Variants in SLC24A2 observed in about 807,000 individuals in gnomAD.
SLC24A2 encodes the protein sodium/potassium/calcium exchanger 2.
Under a neutral mutation model 62.0 loss-of-function variants are expected in SLC24A2, and 36 were observed. The observed-to-expected ratio is 0.58, with a 90% CI of 0.44 to 0.77. The LOEUF (loss-of-function observed/expected upper bound fraction) is 0.77, where lower values mean the gene tolerates loss of function less well. SLC24A2 is among the 30% of genes least tolerant of loss of function. The pLI, the probability that SLC24A2 is intolerant of heterozygous loss-of-function variation, is 0.00. For synonymous variants in SLC24A2, 358 were observed against 294.0 expected (o/e 1.22, Z -2.23); for missense variants, 846 against 817.9 (o/e 1.03, Z -0.42).
the SLC24A2 span, among the ~76,000 whole-genome samples, chr9:19,978,905 A>G: frequency 6.6e-6 from 1 of 152,164 alleles, no homozygotes; most frequent in East Asian, 1.9e-4. Flanking sequence ...CATGTTTAGG[A>G]AAAATGCCTA....
chr9:20,102,517 C>G, the SLC24A2 span, among the ~76,000 whole-genome samples: 3 of 151,800 alleles, frequency 2.0e-5, no homozygotes, highest in East Asian at 5.8e-4. Context: ...AGGGGACACA[C>G]AGCATAAGGA....
the SLC24A2 span, among the ~76,000 whole-genome samples, chr9:19,935,875 A>C: frequency 2.0e-5 from 3 of 152,236 alleles, no homozygotes; most frequent in African/African-American, 7.2e-5. Flanking sequence ...TGAGCCCTCG[A>C]AGCAATCTCC....
At chr9:20,211,372 T>C in the SLC24A2 span, among the ~76,000 whole-genome samples, 1 of 151,944 alleles carries the variant, frequency 6.6e-6, no homozygotes, top group East Asian at 1.9e-4. Flanking sequence ...ATTAGCTGGG[T>C]ATGGTGGCAC....
the SLC24A2 span, among the ~76,000 whole-genome samples, chr9:20,028,954 G>C: frequency 6.6e-5 from 10 of 152,136 alleles, no homozygotes; most frequent in Non-Finnish European, 2.9e-5. Flanking sequence ...AGCCGTTTCT[G>C]TTTCCTCTAA....
chr9:19,584,286 A>AC (rs1563982294), intron 5 of SLC24A2, among the ~76,000 whole-genome samples: 2 of 149,966 alleles, frequency 1.3e-5, no homozygotes, highest in African/African-American at 4.9e-5. Flanking sequence ...AAAAAAAAAA[A>AC]AAAAAAACAA....
In SLC24A2 at chr9:19,762,793, C is replaced by CTTTTTTTTTTTTTTTT. The variant is rs58241037; in HGVS notation, c.930+23128_930+23143dup. 2.0e-5 allele frequency among the ~76,000 whole-genome samples: 2 copies of CTTTTTTTTTTTTTTTT among 102,394 alleles called. 1 individual carries two copies. 67.2% of individuals were successfully genotyped at this position (102,394 alleles called of 152,430 possible). A position where few individuals can be genotyped will look rare whatever the true frequency, so the allele number is the denominator to read the frequency against. ...CTTAGGATTGTCTTGGCTATATGTGCTTTTTTTTTTTTTTTTTTGGTTCCA... is the reference window on the plus strand; with the variant it reads ...CTTAGGATTGTCTTGGCTATATGTGCTTTTTTTTTTTTTTTTTTTTTTTTTTTTTTTTTTGGTTCCA... On this transcript the variant is annotated intron_variant, in intron 2 of 10. Coordinates refer to ENST00000341998, the MANE Select transcript of SLC24A2 (RefSeq NM_020344.4).
At chr9:19,707,411 C>A (rs1293146937) in intron 2 of SLC24A2, among the ~76,000 whole-genome samples, 1 of 152,186 alleles carries the variant, frequency 6.6e-6, no homozygotes, top group Non-Finnish European at 1.5e-5. Context: ...TTTTATTAGG[C>A]CAGCATCATC....
the SLC24A2 span, among the ~76,000 whole-genome samples, chr9:20,125,500 A>G: frequency 1.1e-4 from 17 of 152,206 alleles, no homozygotes; most frequent in Non-Finnish European, 1.0e-4. Flanking sequence ...CTATACATAT[A>G]AGACTATAAG....
At chr9:19,806,363 A>G in the SLC24A2 span, among the ~76,000 whole-genome samples, 9 of 152,164 alleles carry the variant, frequency 5.9e-5, no homozygotes, top group Admixed American at 2.0e-4. Flanking sequence ...GCTTGAGGGC[A>G]TGCACTTGGG....
chr9:19,963,187 C>G, the SLC24A2 span, among the ~76,000 whole-genome samples: 2 of 133,602 alleles, frequency 1.5e-5, no homozygotes, highest in African/African-American at 5.3e-5. Context: ...GAAACTGGAT[C>G]CCTTCCTTAC....
At chr9:19,596,812 C>G (rs1201594855) in intron 5 of SLC24A2, among the ~76,000 whole-genome samples, 1 of 152,188 alleles carries the variant, frequency 6.6e-6, no homozygotes, top group Admixed American at 6.5e-5. Flanking sequence ...TACTTCAGAT[C>G]TTTCATTCCT....
At chr9:20,213,890 C>CT in the SLC24A2 span, among the ~76,000 whole-genome samples, 11 of 152,298 alleles carry the variant, frequency 7.2e-5, no homozygotes, top group South Asian at 2.1e-3. Flanking sequence ...GTATTATGAT[C>CT]TATATCATTG....
chr9:19,792,943 TA>T (rs1823337898), upstream of SLC24A2, among the ~76,000 whole-genome samples: 1 of 152,212 alleles, frequency 6.6e-6, no homozygotes, highest in Non-Finnish European at 1.5e-5. Flanking sequence ...ACCTCGACTT[TA>T]GCTAAACAAA....
the SLC24A2 span, among the ~76,000 whole-genome samples, chr9:19,994,700 C>T: frequency 2.0e-5 from 3 of 152,264 alleles, no homozygotes; most frequent in East Asian, 1.9e-4. Flanking sequence ...ATGTGAGGAT[C>T]GGACATGGGC....
chr9:19,955,271 A>G, the SLC24A2 span, among the ~76,000 whole-genome samples: 4 of 152,172 alleles, frequency 2.6e-5, no homozygotes, highest in Admixed American at 2.0e-4. Flanking sequence ...GAAAGGTGAT[A>G]CTATTCATGT....
chr9:20,179,183 A>T, the SLC24A2 span, among the ~76,000 whole-genome samples: 1 of 152,128 alleles, frequency 6.6e-6, no homozygotes, highest in African/African-American at 2.4e-5. Context: ...TAAGTGGAAG[A>T]CGACTCTTGG....
chr9:19,722,457 T>A (rs912886006), intron 2 of SLC24A2, among the ~76,000 whole-genome samples: 1 of 152,120 alleles, frequency 6.6e-6, no homozygotes, highest in African/African-American at 2.4e-5. Context: ...ATTACATCTT[T>A]GACAGAAAAG....
chr9:19,738,058 C>G, intron 2 of SLC24A2, among the ~76,000 whole-genome samples: 1 of 152,096 alleles, frequency 6.6e-6, no homozygotes, highest in East Asian at 1.9e-4. Context: ...AATTAAAAAT[C>G]AGAATGCAAG....
At chr9:19,863,283 C>A in the SLC24A2 span, among the ~76,000 whole-genome samples, 1 of 151,998 alleles carries the variant, frequency 6.6e-6, no homozygotes, top group South Asian at 2.1e-4. Flanking sequence ...GACCCCAATA[C>A]GATAATAGCT....
Sources: gnomAD v4.1 joint callset for allele counts (sites outside exome capture counted in the v4.1 genomes callset) on GRCh38, gnomAD v4.1.1 for gene constraint, MANE v1.5 for transcripts, NCBI Gene and HGNC (gene_info 2026-07-23, HGNC 2026-07-21) for gene names.